SPHKAP: variants seen among roughly 807,000 people sequenced by gnomAD.
SPHKAP encodes SPHK1 interactor, AKAP domain containing, also known as A-kinase anchor protein SPHKAP.
In SPHKAP, 67 loss-of-function variants were observed where a neutral mutation model predicts 137.5. That is an observed-to-expected ratio of 0.49 (90% CI 0.40 to 0.60). The LOEUF (loss-of-function observed/expected upper bound fraction) is 0.60. Among genes scored for constraint, SPHKAP ranks in the 20% least tolerant of loss-of-function variants. SPHKAP has a pLI of 0.00. For missense variants in SPHKAP, 2,097 were observed against 2,069.3 expected (o/e 1.01, Z -0.26); for synonymous variants, 813 against 785.3 (o/e 1.04, Z -0.59).
chr2:228,044,199 C>T (rs918001108), intron 3 of SPHKAP, among the ~76,000 whole-genome samples: 2 of 152,162 alleles, frequency 1.3e-5, no homozygotes, highest in African/African-American at 2.4e-5. Context: ...ATGCTGCAAT[C>T]TCATTGGTAT....
chr2:228,033,868 A>G (rs1284694747), intron 3 of SPHKAP, among the ~76,000 whole-genome samples: 1 of 152,238 alleles, frequency 6.6e-6, no homozygotes, highest in Non-Finnish European at 1.5e-5. Context: ...TCTCTGGGAC[A>G]CATTCAAAGA....
intron 1 of SPHKAP, among the ~76,000 whole-genome samples, chr2:228,141,089 T>C (rs958500479): frequency 6.6e-6 from 1 of 152,204 alleles, no homozygotes; most frequent in Non-Finnish European, 1.5e-5. Flanking sequence ...CCATGTTATT[T>C]TCCGCTGTGA....
At position 228,132,031 on chromosome 2, in the gene SPHKAP, G is replaced by T; in HGVS notation, c.87C>A (p.Gly29=). The change falls in exon 2 of 12, where the codon GGC becomes GGA. Residue 29 remains glycine (G), a synonymous_variant. Transcript: ENST00000392056. ...YDVLEPQQGR[G]CGSSGSGPGN... The stretch of plus-strand genomic sequence containing the variant: ...CCGGGCCGCTTCCTGAGCTGCCACA[G>T]CCTCTGCCCTGCTGCGGTTCCAAAA... 1 of 1,614,072 alleles carries T rather than the reference G, an allele frequency of 6.2e-7. No homozygotes were observed. The highest frequency in any genetic ancestry group is 8.5e-7 in the Non-Finnish European group (1 of 1,179,974).
intron 3 of SPHKAP, among the ~76,000 whole-genome samples, chr2:228,098,711 A>G (rs536489468): frequency 1.3e-5 from 2 of 151,472 alleles, no homozygotes; most frequent in Admixed American, 6.6e-5. Flanking sequence ...ATGTATACAT[A>G]TGTAACTAAC....
In SPHKAP at chr2:228,020,277, T is replaced by C. The variant is rs183121153; in HGVS notation, c.698-121A>G. The C allele has an allele frequency of 2.9e-3, 3,976 of 1,380,868 alleles. 10 individuals are homozygous for C. The highest frequency in any genetic ancestry group is 3.6e-3 in the Non-Finnish European group (3,717 of 1,033,084). 85.5% of individuals were successfully genotyped at this position (1,380,868 alleles called of 1,614,324 possible). On this transcript the variant is annotated intron_variant, in intron 6 of 11. Transcript: ENST00000392056. ...AAAGACACATGCACACATATGTTTATTGCAGCACTATTCACAATAGCAAAG... is the reference window on the plus strand; with the variant it reads ...AAAGACACATGCACACATATGTTTACTGCAGCACTATTCACAATAGCAAAG...
intron 2 of SPHKAP, among the ~76,000 whole-genome samples, chr2:228,115,636 T>A (rs184330592): frequency 1.3e-5 from 2 of 152,182 alleles, no homozygotes; most frequent in South Asian, 2.1e-4. Context: ...GTGAGTAATA[T>A]GTAACCAGTC....
chr2:228,151,886 T>G (rs1313075702), intron 1 of SPHKAP, among the ~76,000 whole-genome samples: 1 of 152,194 alleles, frequency 6.6e-6, no homozygotes, highest in African/African-American at 2.4e-5. Context: ...TATGCGTTTC[T>G]CTTAAAATGG....
intron 7 of SPHKAP, among the ~76,000 whole-genome samples, chr2:228,012,865 A>T (rs528056966): frequency 6.6e-6 from 1 of 152,258 alleles, no homozygotes; most frequent in Non-Finnish European, 1.5e-5. Flanking sequence ...TCAACTTATC[A>T]AGAAGTCCAA....
At chr2:228,041,793 G>A (rs1026470008) in intron 3 of SPHKAP, among the ~76,000 whole-genome samples, 9 of 152,062 alleles carry the variant, frequency 5.9e-5, no homozygotes, top group African/African-American at 1.9e-4. Context: ...AGGTGGTCAT[G>A]TGGAGCGGAG....
chr2:228,114,378 A>G (rs563830999), intron 2 of SPHKAP, among the ~76,000 whole-genome samples: 16 of 152,260 alleles, frequency 1.1e-4, no homozygotes, highest in Admixed American at 2.0e-4. Flanking sequence ...AACATGACTG[A>G]GCAATGTCTT....
In SPHKAP at chr2:228,031,576, G is replaced by A. The variant is rs560819733; in HGVS notation, c.247-4033C>T. On this transcript the variant is annotated intron_variant, in intron 3 of 11. Coordinates refer to ENST00000392056, the MANE Select transcript of SPHKAP (RefSeq NM_001142644.2). ...GAATGGGCAGACTGCCTCCTTAAGC[G>A]GGTCCTTGACCCCCGAGCAGCCTAA... is the stretch of plus-strand genomic sequence containing the variant. Among the ~76,000 whole-genome samples, 91 of 152,074 alleles carry A rather than the reference G, an allele frequency of 6.0e-4. 1 individual carries two copies. The highest frequency in any genetic ancestry group is 1.5e-3 in the African/African-American group (61 of 41,534).
At chr2:228,077,512 A>G (rs1697223845) in intron 3 of SPHKAP, among the ~76,000 whole-genome samples, 1 of 152,222 alleles carries the variant, frequency 6.6e-6, no homozygotes, top group African/African-American at 2.4e-5. Flanking sequence ...GAACTTGAAG[A>G]TTTGACTGCC....
intron 1 of SPHKAP, among the ~76,000 whole-genome samples, chr2:228,172,588 A>G (rs1452554260): frequency 6.6e-6 from 1 of 152,198 alleles, no homozygotes; most frequent in Non-Finnish European, 1.5e-5. Flanking sequence ...ATCACCCACC[A>G]TTTCAACCCT....
chr2:228,095,307 G>C (rs1385367584), intron 3 of SPHKAP, among the ~76,000 whole-genome samples: 1 of 152,192 alleles, frequency 6.6e-6, no homozygotes, highest in African/African-American at 2.4e-5. Flanking sequence ...AGGGGATATG[G>C]AGTGAGGGCA....
chr2:227,999,456 T>TACAAAGGAGAAGATTCCCAAACCATTC (rs1395268621), intron 7 of SPHKAP, among the ~76,000 whole-genome samples: 7 of 152,278 alleles, frequency 4.6e-5, no homozygotes, highest in African/African-American at 1.7e-4. Flanking sequence ...AAGAACCAGA[T>TACAAAGGAGAAGATTCCCAAACCATTC]ACAAAGGAGA....
At chr2:228,077,006 C>T (rs976656517) in intron 3 of SPHKAP, among the ~76,000 whole-genome samples, 3 of 152,186 alleles carry the variant, frequency 2.0e-5, no homozygotes, top group African/African-American at 7.2e-5. Context: ...GCTGCTCTAG[C>T]TGTAGCTGAA....
In SPHKAP at chr2:228,016,967, C is replaced by T; in HGVS notation, c.3887G>A (p.Gly1296Asp). The part of the protein sequence containing the change: ...CKSDSCLYRR[G>D]GTDHITNMLI... ...CATGTTGGTGATGTGGTCAGTCCCA[C>T]CTCTCCGATACAAGCAAGAGTCAGA... The change falls in exon 7 of 12, where the codon GGT becomes GAT. Residue 1296 changes from glycine to aspartate, a missense_variant. Transcript: ENST00000392056. 6.2e-7 allele frequency: 1 copy of T among 1,614,132 alleles called. No homozygotes were observed. Among genetic ancestry groups the T allele is most frequent in the East Asian group, 2.2e-5 (1 of 44,876 alleles).
rs139499722 is a variant in SPHKAP at position 228,113,603 on chromosome 2, A to ATCTCTCTCTCTCTCTCTCTCTC, written c.139-4686_139-4665dup. ...CAAATCCCAGTCTATGCATTTAGCC[A>ATCTCTCTCTCTCTCTCTCTCTC]TCTCTCTCTCTCTCTCTCTCTCTCT... On this transcript the variant is annotated intron_variant, in intron 2 of 11. Transcript: ENST00000392056. 9.9e-4 allele frequency among the ~76,000 whole-genome samples: 97 copies of ATCTCTCTCTCTCTCTCTCTCTC among 97,950 alleles called. 3 individuals are homozygous for ATCTCTCTCTCTCTCTCTCTCTC. Among genetic ancestry groups the ATCTCTCTCTCTCTCTCTCTCTC allele is most frequent in the Admixed American group, 2.8e-3 (24 of 8,480 alleles). 64.3% of individuals were successfully genotyped at this position (97,950 alleles called of 152,430 possible). A position where few individuals can be genotyped will look rare whatever the true frequency, so the allele number is the denominator to read the frequency against.
chr2:228,162,219 G>A (rs1559208411), intron 1 of SPHKAP, among the ~76,000 whole-genome samples: 1 of 152,158 alleles, frequency 6.6e-6, no homozygotes, highest in Admixed American at 6.5e-5. Flanking sequence ...AAATGAGGTT[G>A]GAGAAACAGG....
Sources: gnomAD v4.1 joint callset for allele counts (sites outside exome capture counted in the v4.1 genomes callset) on GRCh38, gnomAD v4.1.1 for gene constraint, MANE v1.5 for transcripts, NCBI Gene and HGNC (gene_info 2026-07-23, HGNC 2026-07-21) for gene names.